CHL1: variants seen among roughly 807,000 people sequenced by gnomAD.
The protein encoded by CHL1 is cell adhesion molecule L1 like.
CHL1 carries 96 observed loss-of-function variants against 141.9 expected under a neutral mutation model. That is an observed-to-expected ratio of 0.68 (90% CI 0.57 to 0.80). The LOEUF is 0.80. Ranked by LOEUF, CHL1 falls within the 30% of genes least tolerant of loss-of-function variation. The probability of loss-of-function intolerance (pLI) is 0.00; values close to 1 mark genes in which losing one functional copy is unlikely to be tolerated. For missense variants in CHL1, 1,820 were observed against 1,457.2 expected, an observed-to-expected ratio of 1.25 and a Z score of -4.05; for synonymous variants, 613 against 502.2, an observed-to-expected ratio of 1.22 and a Z score of -2.95.
intron 1 of CHL1, among the ~76,000 whole-genome samples, chr3:240,384 A>G (rs930176639): frequency 2.6e-5 from 4 of 152,110 alleles, no homozygotes; most frequent in Non-Finnish European, 5.9e-5. Flanking sequence ...TTTGTTGGCC[A>G]TATGTATATC....
At chr3:339,332 A>T (rs979256319) in intron 5 of CHL1, among the ~76,000 whole-genome samples, 7 of 152,220 alleles carry the variant, frequency 4.6e-5, no homozygotes, top group African/African-American at 1.7e-4. Flanking sequence ...AGCTGGCATG[A>T]TGTTTTATCT....
chr3:390,867 G>C lies in CHL1; in HGVS notation c.2586+51G>C, dbSNP rs375212041. On this transcript the variant is annotated intron_variant, in intron 21 of 27. Transcript: ENST00000256509. The stretch of plus-strand genomic sequence containing the variant: ...TTCTTGTTGAATTGGTATCTTTCCT[G>C]AGAATAAAGAAGAATTGATTTCAGA... The C allele has an allele frequency of 9.3e-6, 14 of 1,498,662 alleles. No individual in the cohort carries two copies. In the African/African-American group the frequency reaches 1.9e-4, roughly 21 times the overall value. 92.8% of individuals were successfully genotyped at this position (1,498,662 alleles called of 1,614,324 possible).
In CHL1 at chr3:225,478, A is replaced by G. The variant is rs187707781; in HGVS notation, c.-174-19135A>G. ...TAAGGTAGGACTTGGGTTAATGTTT[A>G]CTTTCCTCAAGCACGAGAATAGTAT... On this transcript the variant is annotated intron_variant, in intron 1 of 27. Coordinates refer to ENST00000256509, the MANE Select transcript of CHL1 (RefSeq NM_006614.4). Among the ~76,000 whole-genome samples, 186 of 152,366 alleles carry G rather than the reference A, an allele frequency of 1.2e-3. 2 individuals carry two copies. The highest frequency in any genetic ancestry group is 5.2e-3 in the South Asian group (25 of 4,830).
Position 344,329 on chromosome 3 carries a change from G to A in CHL1, c.728-260G>A, listed in dbSNP as rs771620057. ...GACTTCTGTTTGACCTTCTGAGTTA[G>A]CAGATATGGTATAAATAATAATATT... On this transcript the variant is annotated intron_variant, in intron 8 of 27. Transcript: ENST00000256509. Among the ~76,000 whole-genome samples, 187 of 152,244 alleles carry A rather than the reference G, an allele frequency of 1.2e-3. 5 individuals are homozygous for A. The highest frequency in any genetic ancestry group is 3.4e-3 in the Middle Eastern group (1 of 292).
chr3:298,823 G>A (rs1698446910), intron 2 of CHL1, among the ~76,000 whole-genome samples: 1 of 152,164 alleles, frequency 6.6e-6, no homozygotes, highest in Non-Finnish European at 1.5e-5. Context: ...AACAGTCACT[G>A]CCTTCAAATT....
intron 12 of CHL1, among the ~76,000 whole-genome samples, chr3:361,337 G>C (rs13075652): frequency 1.7e-5 from 2 of 119,990 alleles, no homozygotes; most frequent in East Asian, 2.5e-4. Flanking sequence ...TAAAACACCA[G>C]AAGCAATGGC....
At chr3:197,845 CCTCTTTGTGCCT>C (rs1427572639) in intron 1 of CHL1, 1 of 451,316 alleles carries the variant, frequency 2.2e-6, no homozygotes, top group Non-Finnish European at 4.4e-6. Flanking sequence ...GTCCCTTCTT[CCTCTTTGTGCCT>C]CTCTCTTTCT....
intron 15 of CHL1, among the ~76,000 whole-genome samples, chr3:371,313 G>T (rs1399589663): frequency 6.6e-6 from 1 of 152,084 alleles, no homozygotes; most frequent in African/African-American, 2.4e-5. Flanking sequence ...TATATATTTA[G>T]AATAGTTAAC....
Position 391,714 on chromosome 3 carries a change from A to T in CHL1, c.2831A>T (p.Asp944Val). The T allele has an allele frequency of 6.2e-7, 1 of 1,607,168 alleles. No homozygotes were observed. The highest frequency in any genetic ancestry group is 1.1e-5 in the South Asian group (1 of 90,064). Residue 944 changes from aspartate (D) to valine (V), a missense_variant, in exon 23 of 28, where the codon GAT becomes GTT. Asp to Val is a radical substitution (Grantham distance 152, BLOSUM62 -3). Coordinates refer to ENST00000256509, the MANE Select transcript of CHL1 (RefSeq NM_006614.4). ...ACTTTTCTAAAGGTCATCAAAGTTG[A>T]TAAAGACACTGCCACTTTATCTTGG... ...QPTFLKVIKV[D>V]KDTATLSWGL...
chr3:344,505 TTTTG>T, intron 8 of CHL1, 80 bp from the exon 9 acceptor site: 1 of 1,023,700 alleles, frequency 9.8e-7, no homozygotes. Context: ...GTGTCGGATT[TTTTG>T]TTTTAAGAAA....
rs11922985 is a variant in CHL1 at position 227,278 on chromosome 3, A to G, written c.-174-17335A>G. Among the ~76,000 whole-genome samples, 1,268 of 152,334 alleles carry G rather than the reference A, an allele frequency of 8.3e-3. 23 individuals are homozygous for G. Among genetic ancestry groups the G allele is most frequent in the African/African-American group, 0.029 (1,193 of 41,574 alleles). ...ATATAAAAAAGAAACACAAGGAACA[A>G]AAAATGATATCTTATTCTAGTGAAG... On this transcript the variant is annotated intron_variant, in intron 1 of 27. Coordinates refer to ENST00000256509, the MANE Select transcript of CHL1 (RefSeq NM_006614.4).
At position 302,784 on chromosome 3, in the gene CHL1, T is replaced by C. The variant is rs528529985; in HGVS notation, c.-94-16899T>C. Among the ~76,000 whole-genome samples, 209 of 152,188 alleles carry C rather than the reference T, an allele frequency of 1.4e-3. 2 individuals are homozygous for C. The highest frequency in any genetic ancestry group is 1.5e-3 in the Non-Finnish European group (104 of 68,034). Reference sequence around the variant, plus strand: ...TTGTCAGTGTTGGCTTTTGTTGCCATTGCTTTTAGTGTTTTAGACATGAAT... The same window carrying C: ...TTGTCAGTGTTGGCTTTTGTTGCCACTGCTTTTAGTGTTTTAGACATGAAT... On this transcript the variant is annotated intron_variant, in intron 2 of 27. Coordinates refer to ENST00000256509, the MANE Select transcript of CHL1 (RefSeq NM_006614.4).
intron 9 of CHL1, among the ~76,000 whole-genome samples, chr3:348,011 C>T (rs1475021933): frequency 2.0e-5 from 3 of 152,098 alleles, no homozygotes; most frequent in African/African-American, 7.2e-5. Context: ...CACAAACTAT[C>T]AATACAAATA....
At chr3:398,851 A>G (rs1190771159) in intron 25 of CHL1, among the ~76,000 whole-genome samples, 166 bp from the exon 26 acceptor site, 2 of 152,216 alleles carry the variant, frequency 1.3e-5, no homozygotes, top group East Asian at 1.9e-4. Flanking sequence ...AAGATTTACC[A>G]GTATTCTCCC....
At chr3:197,172 G>C (rs1698400970) in intron 1 of CHL1, 109 bp downstream of exon 1, 1 of 152,404 alleles carries the variant, frequency 6.6e-6, no homozygotes, top group Non-Finnish European at 1.5e-5. Flanking sequence ...GTTATGGAAA[G>C]GAAGCGGGGC....
intron 19 of CHL1, 103 bp downstream of exon 19, chr3:383,989 G>T: frequency 2.8e-6 from 2 of 703,342 alleles, no homozygotes; most frequent in Admixed American, 2.5e-5. Context: ...TAAGAACAAA[G>T]ATAAGATTTG....
In CHL1 at chr3:343,134, G is replaced by T. The variant is rs1008578151; in HGVS notation, c.727+103G>T. ...ATCCTCTTAAGTTTATTACAATACT[G>T]TTATTATGAAAAACATCTGAACTTA... On this transcript the variant is annotated intron_variant, in intron 8 of 27. Transcript: ENST00000256509. 31 of 848,914 alleles carry T rather than the reference G, an allele frequency of 3.7e-5. No homozygotes were observed. The African/African-American group carries it at 4.0e-4, about 11-fold the overall frequency. 52.6% of individuals were successfully genotyped at this position (848,914 alleles called of 1,614,324 possible).
intron 2 of CHL1, among the ~76,000 whole-genome samples, chr3:292,064 A>T (rs1348796044): frequency 6.6e-6 from 1 of 152,222 alleles, no homozygotes; most frequent in Admixed American, 6.5e-5. Flanking sequence ...AGTGTTAGAA[A>T]CCGCCTATTA....
intron 5 of CHL1, among the ~76,000 whole-genome samples, chr3:328,655 A>G (rs747994815): frequency 1.3e-5 from 2 of 152,170 alleles, no homozygotes; most frequent in Non-Finnish European, 2.9e-5. Context: ...GCTAAATTCT[A>G]TGCAGTAATA....
Sources: gnomAD v4.1 joint callset for allele counts (sites outside exome capture counted in the v4.1 genomes callset) on GRCh38, gnomAD v4.1.1 for gene constraint, MANE v1.5 for transcripts, NCBI Gene and HGNC (gene_info 2026-07-23, HGNC 2026-07-21) for gene names.